MAML3: variants seen among roughly 807,000 people sequenced by gnomAD.
MAML3 encodes the protein mastermind like transcriptional coactivator 3, also known as mastermind-like protein 3.
A neutral mutation model predicts 101.9 loss-of-function variants in MAML3; 27 were observed. The observed-to-expected ratio is 0.27, with a 90% CI of 0.20 to 0.37. MAML3 has a LOEUF of 0.37. MAML3 is among the 10% of genes least tolerant of loss of function. The probability of loss-of-function intolerance (pLI) is 1.00; values close to 1 mark genes in which losing one functional copy is unlikely to be tolerated. For missense variants in MAML3, 1,316 were observed against 1,444.9 expected, an observed-to-expected ratio of 0.91 and a Z score of 1.45; for synonymous variants, 501 against 555.9, an observed-to-expected ratio of 0.90 and a Z score of 1.39.
intron 1 of MAML3, among the ~76,000 whole-genome samples, chr4:140,000,562 T>C (rs1011662141): frequency 5.3e-5 from 8 of 152,142 alleles, no homozygotes; most frequent in African/African-American, 1.9e-4. Context: ...CTCCCTCTAC[T>C]TACATCAAAA....
chr4:139,968,542 T>C (rs1734180587), intron 1 of MAML3, among the ~76,000 whole-genome samples: 1 of 152,104 alleles, frequency 6.6e-6, no homozygotes, highest in Non-Finnish European at 1.5e-5. Flanking sequence ...GTTTGATGAC[T>C]ACATAGTGCT....
intron 3 of MAML3, among the ~76,000 whole-genome samples, chr4:139,726,943 G>A (rs1728497154): frequency 1.3e-5 from 2 of 152,260 alleles, no homozygotes; most frequent in Admixed American, 1.3e-4. Flanking sequence ...CGTGACCTTG[G>A]GGATGTTGTT....
At chr4:140,078,513 AG>A (rs1188152735) in intron 1 of MAML3, among the ~76,000 whole-genome samples, 1 of 152,098 alleles carries the variant, frequency 6.6e-6, no homozygotes, top group East Asian at 1.9e-4. Flanking sequence ...CTCTGCTTTC[AG>A]GGATCTCACT....
intron 1 of MAML3, among the ~76,000 whole-genome samples, chr4:140,046,263 C>T (rs558461750): frequency 1.3e-5 from 2 of 152,272 alleles, no homozygotes; most frequent in African/African-American, 2.4e-5. Flanking sequence ...TCTCCTTCAG[C>T]GTAACCACTA....
intron 2 of MAML3, among the ~76,000 whole-genome samples, chr4:139,762,910 C>T (rs566086912): frequency 1.3e-5 from 2 of 152,066 alleles, no homozygotes; most frequent in Non-Finnish European, 2.9e-5. Context: ...AGAGGGGGTG[C>T]GTGTGCATAT....
chr4:140,147,377 G>A (rs1729082433), intron 1 of MAML3, among the ~76,000 whole-genome samples: 1 of 152,150 alleles, frequency 6.6e-6, no homozygotes, highest in Non-Finnish European at 1.5e-5. Flanking sequence ...AATCCAAAAT[G>A]GTATTGTATC....
intron 1 of MAML3, among the ~76,000 whole-genome samples, chr4:140,137,051 C>T (rs1218364294): frequency 7.2e-5 from 11 of 152,256 alleles, no homozygotes; most frequent in Non-Finnish European, 1.5e-4. Flanking sequence ...TGCAGTGGCG[C>T]TATCTCGGCT....
At chr4:139,902,270 C>T (rs1732741104) in intron 1 of MAML3, among the ~76,000 whole-genome samples, 1 of 75,562 alleles carries the variant, frequency 1.3e-5, no homozygotes, top group Non-Finnish European at 4.8e-5. Context: ...CACGCACACA[C>T]ACACGCACAC....
At chr4:139,861,985 G>A (rs2111166298) in intron 2 of MAML3, among the ~76,000 whole-genome samples, 1 of 152,200 alleles carries the variant, frequency 6.6e-6, no homozygotes. Flanking sequence ...GAGGGGGGTG[G>A]ACCACCTGAG....
In MAML3 at chr4:139,719,887, G is replaced by C; in HGVS notation, c.2853C>G (p.Ser951Arg). 1 of 1,613,994 alleles carries C rather than the reference G, an allele frequency of 6.2e-7. No homozygotes were observed. The highest frequency in any genetic ancestry group is 2.2e-5 in the East Asian group (1 of 44,882). The part of the protein sequence containing the change: ...PRPQAPPRLQ[S>R]LMGTVQQGAQ... Reference sequence around the variant, plus strand: ...CTCCTTGCTGGACTGTTCCCATAAGGCTCTGCAGCCTTGGAGGGGCTTGGG... The same window carrying C: ...CTCCTTGCTGGACTGTTCCCATAAGCCTCTGCAGCCTTGGAGGGGCTTGGG... Residue 951 changes from serine to arginine, a missense_variant, in exon 5 of 5, where the codon AGC becomes AGG. By Grantham distance (110) the Ser-to-Arg change is moderately radical. Coordinates refer to ENST00000509479, the MANE Select transcript of MAML3 (RefSeq NM_018717.5).
At chr4:140,103,671 A>G (rs570623529) in intron 1 of MAML3, among the ~76,000 whole-genome samples, 1 of 152,234 alleles carries the variant, frequency 6.6e-6, no homozygotes, top group African/African-American at 2.4e-5. Context: ...GGAAAAATCA[A>G]AATGGTTTTT....
intron 2 of MAML3, among the ~76,000 whole-genome samples, chr4:139,780,059 A>G (rs938501413): frequency 5.3e-5 from 8 of 152,240 alleles, no homozygotes; most frequent in African/African-American, 1.9e-4. Flanking sequence ...CATGTAACCT[A>G]GAGCCATGCT....
Position 139,996,948 on chromosome 4 carries a change from T to C in MAML3, c.469-105981A>G, listed in dbSNP as rs1401572856. ...GGTACGTGCCTGTAATCTCAGCTAC[T>C]TGGGAGGCTGAGGCAGGAGAATCGC... On this transcript the variant is annotated intron_variant, in intron 1 of 4. Coordinates refer to ENST00000509479, the MANE Select transcript of MAML3 (RefSeq NM_018717.5). Among the ~76,000 whole-genome samples, 4 of 151,820 alleles carry C rather than the reference T, an allele frequency of 2.6e-5. No homozygotes were observed. In the South Asian group the frequency reaches 6.2e-4, roughly 24 times the overall value.
rs542271993 is a variant in MAML3 at position 139,972,595 on chromosome 4, G to A, written c.469-81628C>T. Among the ~76,000 whole-genome samples, 19 of 152,280 alleles carry A rather than the reference G, an allele frequency of 1.2e-4. No homozygotes were observed. The East Asian group carries it at 3.5e-3, about 28-fold the overall frequency. The stretch of plus-strand genomic sequence containing the variant: ...ACCAAATAACAGTAATAGCAAAAGT[G>A]TGCTAAAATGAGAGAAGGTTTTGGG... On this transcript the variant is annotated intron_variant, in intron 1 of 4. Transcript: ENST00000509479.
rs1734829118 is a variant in MAML3, at chr4:139,996,972, G to A, written c.469-106005C>T. Among the ~76,000 whole-genome samples the A allele has an allele frequency of 1.3e-5, 2 of 151,798 alleles. 1 individual carries two copies. Among genetic ancestry groups the A allele is most frequent in the South Asian group, 4.2e-4 (2 of 4,814 alleles). The stretch of plus-strand genomic sequence containing the variant: ...CTTGGGAGGCTGAGGCAGGAGAATC[G>A]CTTGAACCAGGAAGTCAGAGGTTGC... On this transcript the variant is annotated intron_variant, in intron 1 of 4. Transcript: ENST00000509479.
intron 2 of MAML3, among the ~76,000 whole-genome samples, chr4:139,872,987 A>T (rs112285810): frequency 2.6e-5 from 4 of 152,282 alleles, no homozygotes; most frequent in African/African-American, 9.6e-5. Flanking sequence ...AGACTGAGGC[A>T]GGAAGAATTG....
At chr4:140,055,091 G>A (rs539454769) in intron 1 of MAML3, among the ~76,000 whole-genome samples, 1 of 152,176 alleles carries the variant, frequency 6.6e-6, no homozygotes, top group South Asian at 2.1e-4. Flanking sequence ...GTATTATTTA[G>A]GTCAGACCAC....
chr4:139,997,588 GATAAAT>G (rs1317354353), intron 1 of MAML3, among the ~76,000 whole-genome samples: 1 of 151,900 alleles, frequency 6.6e-6, no homozygotes, highest in East Asian at 1.9e-4. Flanking sequence ...ATAAAAATAA[GATAAAT>G]ATAATTATAT....
intron 1 of MAML3, among the ~76,000 whole-genome samples, chr4:139,925,982 G>A (rs1433308119): frequency 6.6e-6 from 1 of 152,126 alleles, no homozygotes; most frequent in African/African-American, 2.4e-5. Flanking sequence ...CCACGGTCCT[G>A]CTCAAAGAAC....
Sources: allele counts gnomAD v4.1 joint callset (sites outside exome capture counted in the v4.1 genomes callset), GRCh38; gene constraint gnomAD v4.1.1; transcripts MANE v1.5; gene names NCBI Gene and HGNC (gene_info 2026-07-23, HGNC 2026-07-21).